Variants in MIPEP observed in about 807,000 individuals in gnomAD.
MIPEP encodes the protein mitochondrial intermediate peptidase.
Under a neutral mutation model 90.3 loss-of-function variants are expected in MIPEP, and 79 were observed. The observed-to-expected ratio is 0.87, with a 90% confidence interval of 0.73 to 1.05. The LOEUF is 1.05. Among genes scored for constraint, MIPEP ranks in the 50% least tolerant of loss-of-function variants. The probability of loss-of-function intolerance (pLI) is 0.00; values close to 1 mark genes in which losing one functional copy is unlikely to be tolerated. For missense variants in MIPEP, 940 were observed against 905.6 expected (o/e 1.04, Z -0.49); for synonymous variants, 334 against 315.8 (o/e 1.06, Z -0.61).
At chr13:23,814,564 T>C (rs1159498349) in intron 14 of MIPEP, among the ~76,000 whole-genome samples, 1 of 152,148 alleles carries the variant, frequency 6.6e-6, no homozygotes, top group African/African-American at 2.4e-5. Context: ...CCTGGTCCCA[T>C]ACTTATTAAA....
intron 1 of MIPEP, among the ~76,000 whole-genome samples, chr13:23,888,311 A>G (rs1414592402): frequency 6.6e-6 from 1 of 152,234 alleles, no homozygotes; most frequent in Non-Finnish European, 1.5e-5. Context: ...ATGGAGATAA[A>G]ACAAGAATCA....
At chr13:23,766,256 G>A (rs1593141432) in intron 16 of MIPEP, among the ~76,000 whole-genome samples, 1 of 152,344 alleles carries the variant, frequency 6.6e-6, no homozygotes, top group Admixed American at 6.5e-5. Context: ...GGATCATGCA[G>A]AGAATCTGAG....
Position 23,740,356 on chromosome 13 carries a change from C to A in MIPEP, c.2045-9911G>T, listed in dbSNP as rs568066700. Among the ~76,000 whole-genome samples, 297 of 151,956 alleles carry A rather than the reference C, an allele frequency of 2.0e-3. 3 individuals are homozygous for A. The highest frequency in any genetic ancestry group is 6.9e-3 in the African/African-American group (286 of 41,406). ...AGTACCAGCCCCATGAAGAACACAC[C>A]CTCTCCTCTGCCAAGCCCCACCGAG... is the stretch of plus-strand genomic sequence containing the variant. On this transcript the variant is annotated intron_variant, in intron 18 of 18. Transcript: ENST00000382172.
chr13:23,833,723 GATT>G (rs1868880304), intron 14 of MIPEP, among the ~76,000 whole-genome samples: 3 of 152,084 alleles, frequency 2.0e-5, no homozygotes, highest in African/African-American at 4.8e-5. Flanking sequence ...TTCCACTCCA[GATT>G]TTACTTTTAA....
chr13:23,733,271 C>T (rs1952224677), intron 18 of MIPEP, among the ~76,000 whole-genome samples: 1 of 144,546 alleles, frequency 6.9e-6, no homozygotes, highest in African/African-American at 2.4e-5. Flanking sequence ...TGAGCAGAAA[C>T]TTAACAGATT....
At chr13:23,803,474 AT>A (rs1953071507) in intron 16 of MIPEP, among the ~76,000 whole-genome samples, 1 of 152,190 alleles carries the variant, frequency 6.6e-6, no homozygotes. Context: ...CTTTAACTCT[AT>A]TTTTTGTGTG....
chr13:23,884,812 G>A (rs1189658243), intron 2 of MIPEP, among the ~76,000 whole-genome samples: 1 of 152,190 alleles, frequency 6.6e-6, no homozygotes, highest in Non-Finnish European at 1.5e-5. Context: ...CACAGTACGT[G>A]CTCAACATTG....
chr13:23,737,590 C>T (rs1419589991), intron 18 of MIPEP, among the ~76,000 whole-genome samples: 1 of 152,202 alleles, frequency 6.6e-6, no homozygotes, highest in Non-Finnish European at 1.5e-5. Flanking sequence ...AGTTCATATC[C>T]TGTTATTTTG....
chr13:23,787,221 G>T (rs2137370789), intron 16 of MIPEP, among the ~76,000 whole-genome samples: 1 of 152,308 alleles, frequency 6.6e-6, no homozygotes, highest in South Asian at 2.1e-4. Context: ...ACCATAGACT[G>T]GGTGGCTTAA....
intron 5 of MIPEP, among the ~76,000 whole-genome samples, chr13:23,871,583 A>G (rs1220008366): frequency 6.6e-6 from 1 of 152,224 alleles, no homozygotes; most frequent in African/African-American, 2.4e-5. Context: ...AACAAGTTCT[A>G]AACTGTTCTA....
intron 4 of MIPEP, among the ~76,000 whole-genome samples, chr13:23,878,088 A>G (rs1871140857): frequency 6.6e-6 from 1 of 152,206 alleles, no homozygotes; most frequent in Admixed American, 6.5e-5. Flanking sequence ...GGGCATGTCG[A>G]TCTTCAGTAA....
intron 10 of MIPEP, among the ~76,000 whole-genome samples, chr13:23,846,646 A>G (rs2137473046): frequency 6.6e-6 from 1 of 152,366 alleles, no homozygotes; most frequent in South Asian, 2.1e-4. Context: ...TGCATGAAAC[A>G]AAATTTTAAC....
At position 23,882,891 on chromosome 13, in the gene MIPEP, G is replaced by A. The variant is rs144413324; in HGVS notation, c.364-1104C>T. ...TTTACAAATTACTAATCTACGGGTT[G>A]TGAATTTATAATCAATATTAAAATT... On this transcript the variant is annotated intron_variant, in intron 2 of 18. Coordinates refer to ENST00000382172, the MANE Select transcript of MIPEP (RefSeq NM_005932.4). Among the ~76,000 whole-genome samples, 631 of 151,954 alleles carry A rather than the reference G, an allele frequency of 4.2e-3. 5 individuals are homozygous for A. The highest frequency in any genetic ancestry group is 0.015 in the African/African-American group (603 of 41,454).
chr13:23,887,297 G>A (rs1280844870), intron 1 of MIPEP, among the ~76,000 whole-genome samples: 1 of 152,082 alleles, frequency 6.6e-6, no homozygotes, highest in East Asian at 1.9e-4. Context: ...CAGGAAGGCA[G>A]GGGGAAAAAG....
intron 10 of MIPEP, among the ~76,000 whole-genome samples, chr13:23,855,998 T>C (rs567068547): frequency 1.3e-5 from 2 of 152,352 alleles, no homozygotes; most frequent in East Asian, 3.9e-4. Context: ...GGATTGCTTT[T>C]CATGGTTACT....
chr13:23,769,857 C>T (rs367611189), intron 16 of MIPEP, among the ~76,000 whole-genome samples: 1 of 152,114 alleles, frequency 6.6e-6, no homozygotes, highest in Non-Finnish European at 1.5e-5. Context: ...AGGGCCCTGA[C>T]TTCATAAACA....
rs78021726 is a variant in MIPEP, at chr13:23,846,070, G to A, written c.1107-4582C>T. Among the ~76,000 whole-genome samples, 651 of 151,434 alleles carry A rather than the reference G, an allele frequency of 4.3e-3. 2 individuals carry two copies. Among genetic ancestry groups the A allele is most frequent in the African/African-American group, 0.015 (623 of 41,286 alleles). ...TTTTGGTAGATACGGGCCTCTATTG[G>A]TTTTAAAATAAACATTTATTTATTG... is the stretch of plus-strand genomic sequence containing the variant. On this transcript the variant is annotated intron_variant, in intron 10 of 18. Coordinates refer to ENST00000382172, the MANE Select transcript of MIPEP (RefSeq NM_005932.4).
intron 16 of MIPEP, among the ~76,000 whole-genome samples, chr13:23,788,941 G>T (rs1952874739): frequency 6.6e-6 from 1 of 152,126 alleles, no homozygotes; most frequent in Non-Finnish European, 1.5e-5. Context: ...CTCCCAAGTA[G>T]CTGGGACTAC....
chr13:23,754,009 T>C lies in MIPEP; in HGVS notation c.2044+2536A>G, dbSNP rs116043108. ...TTTGAAGGCAGGTGTTCTATTTCTT[T>C]CCATTTTGCTATGTAATATAATTCT... On this transcript the variant is annotated intron_variant, in intron 18 of 18. Transcript: ENST00000382172. Among the ~76,000 whole-genome samples, 613 of 152,312 alleles carry C rather than the reference T, an allele frequency of 4.0e-3. 5 individuals carry two copies. The highest frequency in any genetic ancestry group is 0.014 in the African/African-American group (576 of 41,554).
Sources: allele counts gnomAD v4.1 joint callset (sites outside exome capture counted in the v4.1 genomes callset), GRCh38; gene constraint gnomAD v4.1.1; transcripts MANE v1.5; gene names NCBI Gene and HGNC (gene_info 2026-07-23, HGNC 2026-07-21).